The following PMS2 variants were observed in gnomAD, a reference collection of about 807,000 sequenced individuals.
PMS2 encodes PMS1 homolog 2, mismatch repair system component.
In PMS2, 69 loss-of-function variants were observed where a neutral mutation model predicts 90.0. That is an observed-to-expected ratio of 0.77 (90% CI 0.63 to 0.94). PMS2 has a LOEUF of 0.94. PMS2 is among the 40% of genes least tolerant of loss of function. PMS2 has a pLI of 0.00. For missense variants in PMS2, 966 were observed against 1,040.2 expected (o/e 0.93, Z 0.98); for synonymous variants, 332 against 375.1 (o/e 0.89, Z 1.33).
chr7:5,982,450 C>T (rs1275413758), intron 12 of PMS2, among the ~76,000 whole-genome samples: 4 of 151,862 alleles, frequency 2.6e-5, no homozygotes, highest in Admixed American at 1.3e-4. Context: ...GTGATCTGCC[C>T]ACCTCGGCCT....
At position 5,987,367 on chromosome 7, in the gene PMS2, G is replaced by T. The variant is rs752666485; in HGVS notation, c.1398C>A (p.Gly466=). 1 of 1,614,130 alleles carries T rather than the reference G, an allele frequency of 6.2e-7. No homozygotes were observed. Among genetic ancestry groups the T allele is most frequent in the East Asian group, 2.2e-5 (1 of 44,886 alleles). ...SSTSGAISDK[G]VLRPQKEAVS... ...CTGCCTCTTTCTGAGGTCTCAGGAC[G>T]CCTTTGTCAGAGATGGCACCTGAAG... Residue 466 remains glycine, a synonymous_variant, in exon 11 of 15, where the codon GGC becomes GGA. Transcript: ENST00000265849.
At chr7:6,006,955 T>C (rs984028474) in intron 1 of PMS2, among the ~76,000 whole-genome samples, 1 of 152,182 alleles carries the variant, frequency 6.6e-6, no homozygotes. Context: ...TCTGGTCAAA[T>C]AATTTTTCTG....
At chr7:5,981,919 T>C (rs1226277588) in intron 12 of PMS2, among the ~76,000 whole-genome samples, 1 of 151,814 alleles carries the variant, frequency 6.6e-6, no homozygotes, top group African/African-American at 2.4e-5. Context: ...ACTGAATAAA[T>C]GGTAACTATC....
At chr7:5,999,912 G>A (rs1414917253) in intron 5 of PMS2, among the ~76,000 whole-genome samples, 1 of 152,150 alleles carries the variant, frequency 6.6e-6, no homozygotes, top group African/African-American at 2.4e-5. Context: ...TATGCAAAGA[G>A]ATACACAAAA....
At chr7:5,990,409 A>G (rs983514671) in intron 9 of PMS2, among the ~76,000 whole-genome samples, 13 of 152,368 alleles carry the variant, frequency 8.5e-5, no homozygotes, top group African/African-American at 2.4e-4. Flanking sequence ...GTTAAGATTC[A>G]TAAGTTATGA....
At position 5,999,175 on chromosome 7, in the gene PMS2, G is replaced by A; in HGVS notation, c.638C>T (p.Pro213Leu). The change falls in exon 6 of 15, where the codon CCT (proline) becomes CTT (leucine). Residue 213 changes from proline to leucine, a missense_variant. Around this residue, in one of 2 missense-constraint regions of PMS2, gnomAD observed 871 missense variants for 802.4 expected, o/e 1.09. Transcript: ENST00000265849. Reference protein sequence around the residue: ...TNQLGQGKRQPVVCTGGSPSI... With the variant: ...TNQLGQGKRQLVVCTGGSPSI... ...GGGGCTTCCACCTGTGCATACCACA[G>A]GCTGTCGTTTTCCTTGTCCAAGCTG... 1 of 1,614,088 alleles carries A rather than the reference G, an allele frequency of 6.2e-7. No individual in the cohort carries two copies. Among genetic ancestry groups the A allele is most frequent in the Non-Finnish European group, 8.5e-7 (1 of 1,180,016 alleles).
chr7:5,995,591 C>T lies in PMS2; in HGVS notation c.846G>A (p.Arg282=), dbSNP rs753748043. The T allele has an allele frequency of 6.2e-7, 1 of 1,613,852 alleles. No homozygotes were observed. The highest frequency in any genetic ancestry group is 8.5e-7 in the Non-Finnish European group (1 of 1,179,866). Residue 282 remains arginine, a synonymous_variant, in exon 8 of 15, where the codon AGG becomes AGA. Transcript: ENST00000265849. ...FISQCTHGVG[R]SSTDRQFFFI... ...AGAAAAACTGTCTGTCTGTTGAACT[C>T]CTTCCAACTCCATGCGTGCATTGTG...
chr7:5,976,437 GAATA>G, intron 14 of PMS2, among the ~76,000 whole-genome samples: 1 of 151,366 alleles, frequency 6.6e-6, no homozygotes, highest in African/African-American at 2.4e-5. Flanking sequence ...AGCACCTGCT[GAATA>G]AATAAAGGAA....
chr7:5,985,975 C>A (rs1175345914), intron 11 of PMS2, among the ~76,000 whole-genome samples: 1 of 121,670 alleles, frequency 8.2e-6, no homozygotes, highest in African/African-American at 2.9e-5. Flanking sequence ...GACACAGGAA[C>A]TCCTGCCGCA....
At chr7:5,988,895 A>G (rs1332573273) in intron 10 of PMS2, among the ~76,000 whole-genome samples, 3 of 152,014 alleles carry the variant, frequency 2.0e-5, no homozygotes, top group Non-Finnish European at 4.4e-5. Context: ...TCGCTTTGTC[A>G]CCCAGGCTGG....
chr7:5,988,087 C>CAATGCAAT (rs984098446), intron 10 of PMS2, among the ~76,000 whole-genome samples: 1 of 139,750 alleles, frequency 7.2e-6, no homozygotes, highest in African/African-American at 2.7e-5. Flanking sequence ...AACCACAACA[C>CAATGCAAT]AATGCAATAT....
chr7:6,007,622 C>T (rs746453537), intron 1 of PMS2, among the ~76,000 whole-genome samples: 1 of 152,142 alleles, frequency 6.6e-6, no homozygotes, highest in Non-Finnish European at 1.5e-5. Context: ...AGGCAGGAAA[C>T]CTCCATGAAA....
chr7:6,000,894 G>C (rs567263057), intron 5 of PMS2, among the ~76,000 whole-genome samples: 3 of 152,216 alleles, frequency 2.0e-5, no homozygotes, highest in African/African-American at 7.2e-5. Flanking sequence ...GAGAGGCTGA[G>C]GCAGGAGAAT....
chr7:5,986,460 G>A (rs1430272152), intron 11 of PMS2, among the ~76,000 whole-genome samples: 3 of 152,066 alleles, frequency 2.0e-5, no homozygotes, highest in Non-Finnish European at 2.9e-5. Flanking sequence ...GGGAGGCCAA[G>A]GTGGCTGGAT....
At position 5,995,554 on chromosome 7, in the gene PMS2, G is replaced by T; in HGVS notation, c.883C>A (p.Arg295=). 1.9e-6 allele frequency: 3 copies of T among 1,613,328 alleles called. No individual in the cohort carries two copies. The highest frequency in any genetic ancestry group is 2.2e-5 in the South Asian group (2 of 91,074). Residue 295 remains arginine, a synonymous_variant, in exon 8 of 15, where the codon CGG becomes AGG. Transcript: ENST00000265849. ...TDRQFFFINR[R]PCDPAKVCRL... Reference sequence around the variant, plus strand: ...AATACCTTTGCTGGGTCACAAGGCCGCCGGTTGATAAAGAAAAACTGTCTG... The same window carrying T: ...AATACCTTTGCTGGGTCACAAGGCCTCCGGTTGATAAAGAAAAACTGTCTG...
At chr7:5,983,086 C>G in intron 11 of PMS2, 95 bp from the exon 12 acceptor site, 1 of 1,538,228 alleles carries the variant, frequency 6.5e-7, no homozygotes, top group Non-Finnish European at 8.8e-7. Context: ...TCAAACAATA[C>G]AAAAACAAAA....
intron 10 of PMS2, among the ~76,000 whole-genome samples, chr7:5,988,373 T>G (rs1449637723): frequency 6.6e-6 from 1 of 151,858 alleles, no homozygotes; most frequent in East Asian, 1.9e-4. Context: ...ACCAACATGG[T>G]GAAACCTCAT....
At chr7:6,002,284 T>C (rs560237604) in intron 5 of PMS2, 169 bp downstream of exon 5, 27 of 613,046 alleles carry the variant, frequency 4.4e-5, no homozygotes, top group African/African-American at 4.1e-4. Context: ...AAAAAGTAAA[T>C]CATCCTAAAG....
intron 9 of PMS2, among the ~76,000 whole-genome samples, 174 bp from the exon 10 acceptor site, chr7:5,990,129 C>T (rs1362010468): frequency 6.6e-6 from 1 of 152,196 alleles, no homozygotes; most frequent in Non-Finnish European, 1.5e-5. Flanking sequence ...CTGCCTCAGC[C>T]TCCGAAGTAG....
Sources: gnomAD v4.1 joint callset for allele counts (sites outside exome capture counted in the v4.1 genomes callset) on GRCh38, gnomAD v4.1.1 for gene constraint, gnomAD v4.1.1 regional missense constraint, MANE v1.5 for transcripts, NCBI Gene and HGNC (gene_info 2026-07-23, HGNC 2026-07-21) for gene names.